IWS1: variants seen among roughly 807,000 people sequenced by gnomAD.
The protein encoded by IWS1 is protein IWS1 homolog.
In IWS1, 27 loss-of-function variants were observed where a neutral mutation model predicts 86.7. The ratio of observed to expected loss-of-function variants is 0.31; its 90% CI spans 0.23 to 0.43. The LOEUF (loss-of-function observed/expected upper bound fraction) is 0.43, where lower values mean the gene tolerates loss of function less well. IWS1 is among the 20% of genes least tolerant of loss of function. The probability of loss-of-function intolerance (pLI) is 1.00; values close to 1 mark genes in which losing one functional copy is unlikely to be tolerated. For synonymous variants in IWS1, 313 were observed against 335.1 expected (o/e 0.93, Z 0.72); for missense variants, 827 against 1,000.8 (o/e 0.83, Z 2.34).
intron 12 of IWS1, among the ~76,000 whole-genome samples, chr2:127,487,737 A>C (rs1390219789): frequency 6.6e-6 from 1 of 152,104 alleles, no homozygotes; most frequent in Non-Finnish European, 1.5e-5. Context: ...TTTTTAGTAG[A>C]GATGGGGTTT....
chr2:127,526,073 G>T, intron 1 of IWS1, 102 bp downstream of exon 1: 1 of 1,169,826 alleles, frequency 8.5e-7, no homozygotes, highest in Non-Finnish European at 1.2e-6. Context: ...CGGGAGGGAA[G>T]GTTTCGGGGG....
chr2:127,496,892 C>T (rs910445263), intron 6 of IWS1, among the ~76,000 whole-genome samples: 1 of 152,124 alleles, frequency 6.6e-6, no homozygotes, highest in Non-Finnish European at 1.5e-5. Flanking sequence ...TGTATTTTAA[C>T]TGCAACTTTT....
At chr2:127,503,075 C>T (rs1400177077) in intron 4 of IWS1, among the ~76,000 whole-genome samples, 3 of 152,206 alleles carry the variant, frequency 2.0e-5, no homozygotes, top group Non-Finnish European at 2.9e-5. Context: ...CTCATGGCCC[C>T]TTCTAGCTGG....
At position 127,505,061 on chromosome 2, in the gene IWS1, G is replaced by T; in HGVS notation, c.842C>A (p.Pro281His). The T allele has an allele frequency of 6.2e-7, 1 of 1,611,916 alleles. No homozygotes were observed. ...CGAATCACTGGCCTGGTTCCTTGGG[G>T]GATCCTCACTTTCCGAATCACTGAT... is the stretch of plus-strand genomic sequence containing the variant. ...PRISDSESED[P>H]PRNQASDSEN... Residue 281 changes from proline (P) to histidine (H), a missense_variant, in exon 3 of 14, where the codon CCC becomes CAC. Physicochemically the swap from Pro to His is moderately conservative, Grantham distance 77. This residue lies in a region of IWS1 where 548 missense variants were observed against 560.2 expected (regional missense o/e 0.98). Transcript: ENST00000295321. This position sits in a 1 kb window ranked among gnomAD's most constrained non-coding sequence, Gnocchi z 5.0.
At chr2:127,507,657 T>C (rs1268190502) in intron 2 of IWS1, among the ~76,000 whole-genome samples, 1 of 152,194 alleles carries the variant, frequency 6.6e-6, no homozygotes, top group African/African-American at 2.4e-5. Flanking sequence ...AGATGGAAAA[T>C]TTAACTATCT....
In IWS1 at chr2:127,505,553, C is replaced by T; in HGVS notation, c.350G>A (p.Gly117Glu). Residue 117 changes from glycine to glutamate, a missense_variant, in exon 3 of 14, where the codon GGG becomes GAG. Coordinates refer to ENST00000295321, the MANE Select transcript of IWS1 (RefSeq NM_017969.3). The surrounding 1 kb of genome is among the most constrained non-coding windows in gnomAD (Gnocchi z 5.0). ...DSENEDVNQH[G>E]SDSESEETRK... Reference sequence around the variant, plus strand: ...GGTCTCTTCACTCTCAGAGTCGCTCCCATGCTGATTGACATCCTCATTTTC... The same window carrying T: ...GGTCTCTTCACTCTCAGAGTCGCTCTCATGCTGATTGACATCCTCATTTTC... The T allele has an allele frequency of 6.2e-7, 1 of 1,614,006 alleles. No individual in the cohort carries two copies. The highest frequency in any genetic ancestry group is 8.5e-7 in the Non-Finnish European group (1 of 1,179,996).
chr2:127,513,726 CTTT>C (rs1044048340), intron 2 of IWS1, among the ~76,000 whole-genome samples: 3 of 150,304 alleles, frequency 2.0e-5, no homozygotes, highest in Admixed American at 6.6e-5. Flanking sequence ...AAATTATTTT[CTTT>C]TTTATTTGAA....
chr2:127,491,037 GGTT>G (rs1196727819), intron 10 of IWS1: 1 of 152,098 alleles, frequency 6.6e-6, no homozygotes, highest in Non-Finnish European at 1.5e-5. Context: ...AACAAACACG[GGTT>G]TCATTCGTAA....
upstream of IWS1, chr2:127,526,538 AC>A: frequency 6.9e-7 from 1 of 1,451,028 alleles, no homozygotes; most frequent in Non-Finnish European, 9.2e-7. Flanking sequence ...CAACCCGTCA[AC>A]CGGCCAATGA....
At chr2:127,513,843 T>G (rs1691609689) in intron 2 of IWS1, among the ~76,000 whole-genome samples, 1 of 152,208 alleles carries the variant, frequency 6.6e-6, no homozygotes, top group South Asian at 2.1e-4. Context: ...TAAATTTACT[T>G]TAAAAAAATT....
intron 2 of IWS1, among the ~76,000 whole-genome samples, chr2:127,516,924 G>A (rs1015595464): frequency 4.6e-5 from 7 of 152,042 alleles, no homozygotes; most frequent in Non-Finnish European, 7.4e-5. Context: ...CAATATACAA[G>A]GTTTGTTCCC....
At position 127,503,542 on chromosome 2, in the gene IWS1, A is replaced by G; in HGVS notation, c.1254T>C (p.Asp418=). 6.2e-7 allele frequency: 1 copy of G among 1,610,314 alleles called. No homozygotes were observed. The highest frequency in any genetic ancestry group is 1.3e-5 in the African/African-American group (1 of 74,964). The change falls in exon 4 of 14, where the codon GAT becomes GAC. Residue 418 remains aspartate, a synonymous_variant. Transcript: ENST00000295321. Reference sequence around the variant, plus strand: ...CTGATACAGCATCACTGTCAGAGTCATCTGCATCAGAGACAACACGACTCT... The same window carrying G: ...CTGATACAGCATCACTGTCAGAGTCGTCTGCATCAGAGACAACACGACTCT... The part of the protein sequence containing the change: ...AKKSRVVSDA[D]DSDSDAVSDK...
chr2:127,512,761 G>GT (rs1379071397), intron 2 of IWS1, among the ~76,000 whole-genome samples: 5 of 152,158 alleles, frequency 3.3e-5, no homozygotes, highest in African/African-American at 1.2e-4. Flanking sequence ...CTATATAGTA[G>GT]TCACCTATTT....
chr2:127,495,975 A>G, intron 7 of IWS1, 23 bp downstream of exon 7: 1 of 1,548,528 alleles, frequency 6.5e-7, no homozygotes, highest in Non-Finnish European at 8.7e-7. Flanking sequence ...AAAAAAGGTG[A>G]ACCTAGAAGC....
At chr2:127,515,625 C>T (rs1364324230) in intron 2 of IWS1, among the ~76,000 whole-genome samples, 1 of 152,216 alleles carries the variant, frequency 6.6e-6, no homozygotes, top group Non-Finnish European at 1.5e-5. Flanking sequence ...GAATGAGAAG[C>T]TCTACCGACC....
chr2:127,522,805 C>T (rs1692172024), intron 2 of IWS1, among the ~76,000 whole-genome samples: 1 of 152,064 alleles, frequency 6.6e-6, no homozygotes, highest in Non-Finnish European at 1.5e-5. Flanking sequence ...GATGTATAAA[C>T]AGAAAGGAAA....
chr2:127,508,481 A>G (rs1470386348), intron 2 of IWS1, among the ~76,000 whole-genome samples: 3 of 152,218 alleles, frequency 2.0e-5, no homozygotes, highest in African/African-American at 4.8e-5. Context: ...AAGGAAAATT[A>G]TAATTGGCTT....
chr2:127,516,145 T>A (rs545339948), intron 2 of IWS1, among the ~76,000 whole-genome samples: 2 of 152,174 alleles, frequency 1.3e-5, no homozygotes, highest in African/African-American at 4.8e-5. Flanking sequence ...GAGCTCAGTG[T>A]TTAAAAAAAT....
At chr2:127,483,580 G>GC (rs1372204740) in intron 13 of IWS1, among the ~76,000 whole-genome samples, 2 of 52,952 alleles carry the variant, frequency 3.8e-5, no homozygotes, top group South Asian at 6.5e-4. Context: ...TCGGGGCGGG[G>GC]GGTGGTGGGG....
Sources: gnomAD v4.1 joint callset for allele counts (sites outside exome capture counted in the v4.1 genomes callset) on GRCh38, gnomAD v4.1.1 for gene constraint, gnomAD v4.1.1 regional missense constraint, Gnocchi (gnomAD v3.1) non-coding constraint, MANE v1.5 for transcripts, NCBI Gene and HGNC (gene_info 2026-07-23, HGNC 2026-07-21) for gene names.